The following ACSS2 variants were observed in gnomAD, a reference collection of about 807,000 sequenced individuals.
ACSS2 encodes acyl-CoA synthetase short chain family member 2.
ACSS2 carries 58 observed loss-of-function variants against 90.6 expected under a neutral mutation model. The ratio of observed to expected loss-of-function variants is 0.64; its 90% confidence interval spans 0.52 to 0.80. The LOEUF (loss-of-function observed/expected upper bound fraction) is 0.80. Ranked by LOEUF, ACSS2 falls within the 30% of genes least tolerant of loss-of-function variation. ACSS2 has a pLI of 0.00. For missense variants in ACSS2, 759 were observed against 912.0 expected, an observed-to-expected ratio of 0.83 and a Z score of 2.16; for synonymous variants, 300 against 330.9, an observed-to-expected ratio of 0.91 and a Z score of 1.01.
At chr20:34,908,752 T>G in intron 2 of ACSS2, 1 of 336,822 alleles carries the variant, frequency 3.0e-6, no homozygotes, top group South Asian at 2.4e-5. Context: ...TCCCAGCTAC[T>G]CAGGAGTCTG....
Position 34,926,264 on chromosome 20 carries a change from A to T in ACSS2, c.1886A>T (p.Glu629Val). Reference sequence around the variant, plus strand: ...CACACCTTCAGCCCCAAGCTCACCGAGGAGCTCAAGAAGCAGAGTAAGGAG... The same window carrying T: ...CACACCTTCAGCCCCAAGCTCACCGTGGAGCTCAAGAAGCAGAGTAAGGAG... ...DGHTFSPKLT[E>V]ELKKQIREKI... Residue 629 changes from glutamate to valine, a missense_variant, in exon 16 of 18, where the codon GAG (glutamate) becomes GTG (valine). By Grantham distance (121) the Glu-to-Val change is moderately radical. Coordinates refer to ENST00000360596, the MANE Select transcript of ACSS2 (RefSeq NM_018677.4). 6.2e-7 allele frequency: 1 copy of T among 1,613,916 alleles called. No individual in the cohort carries two copies. Among genetic ancestry groups the T allele is most frequent in the South Asian group, 1.1e-5 (1 of 91,060 alleles).
chr20:34,905,457 A>G (rs2080776650), intron 2 of ACSS2, among the ~76,000 whole-genome samples: 1 of 151,904 alleles, frequency 6.6e-6, no homozygotes, highest in African/African-American at 2.4e-5. Flanking sequence ...TATTTTTAGT[A>G]GAGATGGGGT....
At chr20:34,915,294 G>A (rs1166255787) in intron 7 of ACSS2, 5 of 1,613,208 alleles carry the variant, frequency 3.1e-6, no homozygotes, top group Non-Finnish European at 8.5e-7. Flanking sequence ...CCGCTTCTCT[G>A]TTTGCTTGTC....
intron 7 of ACSS2, among the ~76,000 whole-genome samples, chr20:34,919,195 G>C (rs2081139459): frequency 6.6e-6 from 1 of 152,166 alleles, no homozygotes; most frequent in African/African-American, 2.4e-5. Flanking sequence ...TCCTCAGCCT[G>C]AGGCCAGGTG....
At chr20:34,918,020 G>A (rs2081112693) in intron 7 of ACSS2, among the ~76,000 whole-genome samples, 2 of 152,124 alleles carry the variant, frequency 1.3e-5, no homozygotes, top group Admixed American at 6.5e-5. Flanking sequence ...GCCTCCCAAA[G>A]TGCTGGGATT....
At position 34,914,457 on chromosome 20, in the gene ACSS2, G is replaced by A. The variant is rs1304457054; in HGVS notation, c.834+20G>A. The stretch of plus-strand genomic sequence containing the variant: ...GTGCAGGTGAGTCTGGCACTGCTAT[G>A]CCTTTCTCCAGGCTCAAATTCCTTC... On this transcript the variant is annotated intron_variant, in intron 7 of 17. Transcript: ENST00000360596. 1.9e-6 allele frequency: 3 copies of A among 1,571,400 alleles called. No individual in the cohort carries two copies. The African/African-American group carries it at 4.1e-5, about 22-fold the overall frequency.
At chr20:34,881,212 T>C (rs1371388154) in intron 1 of ACSS2, among the ~76,000 whole-genome samples, 1 of 150,498 alleles carries the variant, frequency 6.6e-6, no homozygotes, top group Non-Finnish European at 1.5e-5. Context: ...TTTTTTTGTA[T>C]TTTTAGTAGA....
At position 34,921,823 on chromosome 20, in the gene ACSS2, A is replaced by C; in HGVS notation, c.1505A>C (p.Asn502Thr). The C allele has an allele frequency of 3.7e-6, 6 of 1,614,072 alleles. No individual in the cohort carries two copies. Among genetic ancestry groups the C allele is most frequent in the Non-Finnish European group, 4.2e-6 (5 of 1,179,988 alleles). The change falls in exon 13 of 18, where the codon AAT (asparagine) becomes ACT (threonine). Residue 502 changes from asparagine (N) to threonine (T), a missense_variant. By Grantham distance (65) the Asn-to-Thr change is moderately conservative. Transcript: ENST00000360596. ...TTTGGTGTAGCTCCTGCAATCCTGA[A>C]TGAGTCCGGGGAAGAGTTGGAAGGT... is the stretch of plus-strand genomic sequence containing the variant. Reference protein sequence around the residue: ...PFFGVAPAILNESGEELEGEA... With the variant: ...PFFGVAPAILTESGEELEGEA...
At chr20:34,924,065 T>G (rs189344860) in intron 14 of ACSS2, among the ~76,000 whole-genome samples, 2 of 152,246 alleles carry the variant, frequency 1.3e-5, no homozygotes. Context: ...AACTTTGATG[T>G]ATGAGGAAAG....
chr20:34,907,809 T>C (rs184457513), intron 2 of ACSS2, among the ~76,000 whole-genome samples: 1 of 152,360 alleles, frequency 6.6e-6, no homozygotes, highest in African/African-American at 2.4e-5. Flanking sequence ...CTCCCTGTTC[T>C]TTCCCACTTT....
At chr20:34,917,580 T>C (rs2081099937) in intron 7 of ACSS2, among the ~76,000 whole-genome samples, 1 of 152,256 alleles carries the variant, frequency 6.6e-6, no homozygotes, top group East Asian at 1.9e-4. Flanking sequence ...CATATATCCT[T>C]ATAATGGGAG....
rs2080867788 is a variant in ACSS2, at chr20:34,908,633, AG to A, written c.375-4461del. The A allele has an allele frequency of 2.0e-5, 4 of 201,458 alleles. No individual in the cohort carries two copies. In the Admixed American group the frequency reaches 2.5e-4, roughly 12 times the overall value. The allele number at this position is 201,458 out of a possible 1,614,324, so 12.5% of individuals were successfully genotyped here. A position where few individuals can be genotyped will look rare whatever the true frequency, so the allele number is the denominator to read the frequency against. ...TCCCAGTACTTTGGGAGGCCAGGGC[AG>A]GTGGATCACCTGACGTCAGGAGTTC... On this transcript the variant is annotated intron_variant, in intron 2 of 17. Coordinates refer to ENST00000360596, the MANE Select transcript of ACSS2 (RefSeq NM_018677.4).
chr20:34,891,476 GTTTATTTA>G (rs906707344), intron 2 of ACSS2, among the ~76,000 whole-genome samples: 1 of 152,084 alleles, frequency 6.6e-6, no homozygotes, highest in Non-Finnish European at 1.5e-5. Context: ...GGAGGATTTT[GTTTATTTA>G]TTTATTTATT....
chr20:34,907,943 T>C (rs1409238898), intron 2 of ACSS2, among the ~76,000 whole-genome samples: 1 of 152,232 alleles, frequency 6.6e-6, no homozygotes, highest in Non-Finnish European at 1.5e-5. Context: ...AGAAAAGGCC[T>C]GGCTTCCCTG....
At chr20:34,895,694 C>T (rs1402108751) in intron 2 of ACSS2, among the ~76,000 whole-genome samples, 3 of 152,124 alleles carry the variant, frequency 2.0e-5, no homozygotes, top group African/African-American at 7.2e-5. Flanking sequence ...CTATGACATT[C>T]TTGTTTAACG....
At chr20:34,911,376 C>T (rs866727712) in intron 2 of ACSS2, among the ~76,000 whole-genome samples, 10 of 150,894 alleles carry the variant, frequency 6.6e-5, no homozygotes, top group Admixed American at 2.0e-4. Context: ...TTAGTAGAGA[C>T]GGGGTTTCTC....
chr20:34,887,828 TG>T (rs2146983729), intron 2 of ACSS2, among the ~76,000 whole-genome samples: 1 of 152,106 alleles, frequency 6.6e-6, no homozygotes, highest in South Asian at 2.1e-4. Flanking sequence ...CCCAACACTT[TG>T]GGAGGCTGAG....
At chr20:34,901,731 G>A (rs1446165100) in intron 2 of ACSS2, among the ~76,000 whole-genome samples, 1 of 152,040 alleles carries the variant, frequency 6.6e-6, no homozygotes, top group Admixed American at 6.6e-5. Flanking sequence ...GAATTATATG[G>A]GGAGCTTATG....
chr20:34,888,342 G>A (rs1161250243), intron 2 of ACSS2, among the ~76,000 whole-genome samples: 2 of 152,038 alleles, frequency 1.3e-5, no homozygotes, highest in Non-Finnish European at 2.9e-5. Context: ...ATCTCATGGA[G>A]TTGTCAGTTT....
Sources: allele counts gnomAD v4.1 joint callset (sites outside exome capture counted in the v4.1 genomes callset), GRCh38; gene constraint gnomAD v4.1.1; transcripts MANE v1.5; gene names NCBI Gene and HGNC (gene_info 2026-07-23, HGNC 2026-07-21).